EPB41L3: variants seen among roughly 807,000 people sequenced by gnomAD.
EPB41L3 encodes the protein band 4.1-like protein 3.
In EPB41L3, 57 loss-of-function variants were observed where a neutral mutation model predicts 127.1. The ratio of observed to expected loss-of-function variants is 0.45; its 90% CI spans 0.36 to 0.56. The LOEUF is 0.56. Among genes scored for constraint, EPB41L3 ranks in the 20% least tolerant of loss-of-function variants. The pLI is 0.00. For missense variants in EPB41L3, 1,273 were observed against 1,372.2 expected (o/e 0.93, Z 1.14); for synonymous variants, 572 against 549.5 (o/e 1.04, Z -0.57).
Position 5,392,615 on chromosome 18 carries a change from G to A in EPB41L3, c.*870C>T, listed in dbSNP as rs1168315234. The A allele has an allele frequency of 6.6e-6, 1 of 152,430 alleles. No individual in the cohort carries two copies. The highest frequency in any genetic ancestry group is 1.9e-4 in the East Asian group (1 of 5,188). The allele number at this position is 152,430 out of a possible 1,614,324, so 9.4% of individuals were successfully genotyped here. ...TAAAACACTTTCTTTTCAAGTAAAA[G>A]AAGAAAAATCAATTAAAAAATACAC... On this transcript the variant is annotated 3_prime_UTR_variant, in exon 23 of 23. Transcript: ENST00000341928.
intron 2 of EPB41L3, among the ~76,000 whole-genome samples, chr18:5,479,249 G>A (rs951519184): frequency 1.3e-5 from 2 of 152,140 alleles, no homozygotes; most frequent in African/African-American, 4.8e-5. Context: ...GCCACCAATG[G>A]TAGTACTGCA....
intron 3 of EPB41L3, among the ~76,000 whole-genome samples, chr18:5,566,723 C>CATTCTATTCCATTCT (rs2094203924): frequency 8.9e-6 from 1 of 112,416 alleles, no homozygotes; most frequent in African/African-American, 3.5e-5. Flanking sequence ...TTTTCTATTC[C>CATTCTATTCCATTCT]ATTCTATTCT....
Position 5,436,403 on chromosome 18 carries a change from CT to C in EPB41L3, c.605+1631del, listed in dbSNP as rs34862547. 0.014 allele frequency among the ~76,000 whole-genome samples: 1,401 copies of C among 100,600 alleles called. 9 individuals are homozygous for C. In the East Asian group the frequency reaches 0.14, roughly 10 times the overall value. 66.0% of individuals were successfully genotyped at this position (100,600 alleles called of 152,430 possible). Reference sequence around the variant, plus strand: ...AGAAACCATGCACTACATTTTCTTTCTTTTTTTTTTTTTTTTTTTTTTTGAG... The same window carrying C: ...AGAAACCATGCACTACATTTTCTTTCTTTTTTTTTTTTTTTTTTTTTTGAG... On this transcript the variant is annotated intron_variant, in intron 6 of 22. Coordinates refer to ENST00000341928, the MANE Select transcript of EPB41L3 (RefSeq NM_012307.5).
chr18:5,431,723 C>G (rs1054688063), intron 8 of EPB41L3, among the ~76,000 whole-genome samples: 2 of 152,124 alleles, frequency 1.3e-5, no homozygotes, highest in Non-Finnish European at 2.9e-5. Flanking sequence ...CAGATTCACT[C>G]AAATTCTCAG....
intron 3 of EPB41L3, among the ~76,000 whole-genome samples, chr18:5,594,699 A>T (rs999869250): frequency 6.6e-6 from 1 of 152,216 alleles, no homozygotes; most frequent in Admixed American, 6.5e-5. Flanking sequence ...CTCACTGTGA[A>T]TTTAAGCAGC....
chr18:5,557,109 T>A (rs770442314), intron 3 of EPB41L3, among the ~76,000 whole-genome samples: 1 of 152,058 alleles, frequency 6.6e-6, no homozygotes, highest in Non-Finnish European at 1.5e-5. Flanking sequence ...CTGGGAGGTG[T>A]GCTGAGCTTA....
At chr18:5,578,256 C>T (rs2094356667) in intron 3 of EPB41L3, among the ~76,000 whole-genome samples, 1 of 152,104 alleles carries the variant, frequency 6.6e-6, no homozygotes. Context: ...ATCCACATCC[C>T]CATTTTTACA....
chr18:5,426,607 G>A lies in EPB41L3; in HGVS notation c.1065+1706C>T, dbSNP rs141011657. 1.9e-3 allele frequency among the ~76,000 whole-genome samples: 283 copies of A among 152,250 alleles called. 4 individuals carry two copies. Among genetic ancestry groups the A allele is most frequent in the African/African-American group, 6.4e-3 (264 of 41,544 alleles). On this transcript the variant is annotated intron_variant, in intron 9 of 22. Coordinates refer to ENST00000341928, the MANE Select transcript of EPB41L3 (RefSeq NM_012307.5). ...TAAAACCTCCCATGACTTACTAGTT[G>A]TCCACTGATTCATTTCTCTAGCTCT...
intron 1 of EPB41L3, among the ~76,000 whole-genome samples, chr18:5,538,510 T>G (rs543689089): frequency 6.6e-6 from 1 of 152,344 alleles, no homozygotes; most frequent in African/African-American, 2.4e-5. Flanking sequence ...ATTTGGGGCT[T>G]GAATCAAATA....
chr18:5,458,666 G>A (rs1326848296), intron 3 of EPB41L3, among the ~76,000 whole-genome samples: 1 of 152,002 alleles, frequency 6.6e-6, no homozygotes, highest in Non-Finnish European at 1.5e-5. Flanking sequence ...ATGAATAACA[G>A]TTTGGAAGCA....
chr18:5,407,215 T>C, intron 15 of EPB41L3: 1 of 530,442 alleles, frequency 1.9e-6, no homozygotes, highest in Non-Finnish European at 3.4e-6. Context: ...AGGCAAACTA[T>C]AAAGAGTACA....
chr18:5,542,005 CAG>C (rs2093743794), intron 1 of EPB41L3, among the ~76,000 whole-genome samples: 1 of 152,216 alleles, frequency 6.6e-6, no homozygotes, highest in Admixed American at 6.5e-5. Flanking sequence ...GCAAATGAGA[CAG>C]TATTCAGCAT....
At position 5,498,431 on chromosome 18, in the gene EPB41L3, T is replaced by TA. The variant is rs562936298; in HGVS notation, c.-11-9238dup. Among the ~76,000 whole-genome samples the TA allele has an allele frequency of 2.3e-3, 349 of 151,846 alleles. 1 individual carries two copies. Among genetic ancestry groups the TA allele is most frequent in the African/African-American group, 7.8e-3 (325 of 41,412 alleles). On this transcript the variant is annotated intron_variant, in intron 1 of 22. Coordinates refer to ENST00000341928, the MANE Select transcript of EPB41L3 (RefSeq NM_012307.5). ...CAACATGGTGAAACCCCATCTCTAC[T>TA]AAAAATACAAATATCACCTGGGTGT...
chr18:5,476,074 C>T (rs2087150490), intron 3 of EPB41L3, among the ~76,000 whole-genome samples: 1 of 152,160 alleles, frequency 6.6e-6, no homozygotes. Context: ...ACTAGCACCT[C>T]ATTGCCTCCT....
intron 2 of EPB41L3, among the ~76,000 whole-genome samples, chr18:5,487,640 C>T (rs1403993640): frequency 6.6e-6 from 1 of 151,502 alleles, no homozygotes; most frequent in African/African-American, 2.4e-5. Context: ...TACAGACGTG[C>T]ACCACCACAC....
At chr18:5,490,534 T>C (rs1045983991) in intron 1 of EPB41L3, among the ~76,000 whole-genome samples, 1 of 152,236 alleles carries the variant, frequency 6.6e-6, no homozygotes, top group African/African-American at 2.4e-5. Flanking sequence ...CCAGATATTC[T>C]TTCTGTTGAA....
intron 2 of EPB41L3, chr18:5,488,766 T>C: frequency 2.1e-6 from 1 of 468,900 alleles, no homozygotes; most frequent in Non-Finnish European, 3.7e-6. Context: ...TAATCTCCAG[T>C]CTGGACTTCA....
At chr18:5,419,678 A>G (rs762174628) in intron 12 of EPB41L3, 33 bp downstream of exon 12, 1 of 1,611,974 alleles carries the variant, frequency 6.2e-7, no homozygotes, top group Non-Finnish European at 8.5e-7. Flanking sequence ...TAAAAGCTGG[A>G]GCAAGCTCTT....
chr18:5,492,289 C>CCTTTCCAACTAACTAAAG (rs1484939704), intron 1 of EPB41L3, among the ~76,000 whole-genome samples: 4 of 147,314 alleles, frequency 2.7e-5, no homozygotes, highest in South Asian at 2.2e-4. Context: ...CACTGCACTC[C>CCTTTCCAACTAACTAAAG]AGCCTGGGTG....
Sources: allele counts gnomAD v4.1 joint callset (sites outside exome capture counted in the v4.1 genomes callset), GRCh38; gene constraint gnomAD v4.1.1; transcripts MANE v1.5; gene names NCBI Gene and HGNC (gene_info 2026-07-23, HGNC 2026-07-21).